Variants in PALM2AKAP2 observed in about 807,000 individuals in gnomAD.
PALM2AKAP2 encodes the protein PALM2 and AKAP2 fusion, also known as PALM2-AKAP2 fusion protein.
In PALM2AKAP2, 37 loss-of-function variants were observed where a neutral mutation model predicts 71.5. That is an observed-to-expected ratio of 0.52 (90% CI 0.40 to 0.68). The LOEUF (loss-of-function observed/expected upper bound fraction) is 0.68, where lower values mean the gene tolerates loss of function less well. Among genes scored for constraint, PALM2AKAP2 ranks in the 30% least tolerant of loss-of-function variants. The pLI is 0.00. For missense variants in PALM2AKAP2, 1,224 were observed against 1,191.8 expected, an observed-to-expected ratio of 1.03 and a Z score of -0.40; for synonymous variants, 468 against 478.8, an observed-to-expected ratio of 0.98 and a Z score of 0.29.
At chr9:109,834,698 G>T (rs557170419) in intron 1 of PALM2AKAP2, among the ~76,000 whole-genome samples, 1 of 152,188 alleles carries the variant, frequency 6.6e-6, no homozygotes, top group Non-Finnish European at 1.5e-5. Context: ...GTTACCACAT[G>T]CTAGGCACTG....
chr9:110,135,698 G>A lies in PALM2AKAP2; in HGVS notation c.157-429G>A, dbSNP rs117427458. The stretch of plus-strand genomic sequence containing the variant: ...TTATTCTGCAAAGATTTTCCAAAAA[G>A]TTTCTTGTCTCCAGAATAACTGCAT... On this transcript the variant is annotated intron_variant, in intron 1 of 3. Transcript: ENST00000374525. 9.0e-3 allele frequency among the ~76,000 whole-genome samples: 1,366 copies of A among 152,304 alleles called. 5 individuals are homozygous for A. The highest frequency in any genetic ancestry group is 0.015 in the Non-Finnish European group (1,029 of 68,010).
intron 3 of PALM2AKAP2, among the ~76,000 whole-genome samples, chr9:109,906,780 A>G (rs1280520557): frequency 6.6e-6 from 1 of 152,192 alleles, no homozygotes. Context: ...AACATAGCCA[A>G]TCCTATCACT....
intron 5 of PALM2AKAP2, among the ~76,000 whole-genome samples, chr9:109,927,463 C>A (rs1192936212): frequency 6.6e-6 from 1 of 152,164 alleles, no homozygotes; most frequent in Non-Finnish European, 1.5e-5. Context: ...ATTACAGAAT[C>A]CAGGTCCAGT....
intron 1 of PALM2AKAP2, among the ~76,000 whole-genome samples, chr9:110,097,419 C>T (rs1834876036): frequency 6.6e-6 from 1 of 150,994 alleles, no homozygotes; most frequent in Admixed American, 6.6e-5. Context: ...CCTTTCTATT[C>T]CACAAAACTG....
chr9:110,078,178 C>A (rs1834365177), intron 1 of PALM2AKAP2, among the ~76,000 whole-genome samples: 1 of 152,172 alleles, frequency 6.6e-6, no homozygotes. Flanking sequence ...TTTACTAGAA[C>A]CAGCGGCGAC....
chr9:109,741,306 T>G (rs1021172568), intron 1 of PALM2AKAP2, among the ~76,000 whole-genome samples: 5 of 152,236 alleles, frequency 3.3e-5, no homozygotes, highest in Non-Finnish European at 7.3e-5. Flanking sequence ...CGTTCATTGC[T>G]GGGTAGTACT....
intron 1 of PALM2AKAP2, among the ~76,000 whole-genome samples, chr9:109,727,391 A>G (rs535749631): frequency 6.6e-6 from 1 of 152,374 alleles, no homozygotes; most frequent in East Asian, 1.9e-4. Context: ...TGAGCAAATC[A>G]CTCAACTTTC....
chr9:109,958,905 G>T (rs1831798542), intron 6 of PALM2AKAP2, among the ~76,000 whole-genome samples: 1 of 152,122 alleles, frequency 6.6e-6, no homozygotes, highest in Non-Finnish European at 1.5e-5. Flanking sequence ...GAAATTCAGT[G>T]GGGGGAATAC....
At chr9:109,726,773 A>G (rs1460905382) in intron 1 of PALM2AKAP2, among the ~76,000 whole-genome samples, 1 of 152,236 alleles carries the variant, frequency 6.6e-6, no homozygotes, top group Non-Finnish European at 1.5e-5. Flanking sequence ...ATAGTCAAAT[A>G]CAATAGCTAC....
chr9:109,765,474 G>GATC (rs55668686), intron 1 of PALM2AKAP2: 1,286 of 95,078 alleles, frequency 0.014, 15 homozygotes, highest in Non-Finnish European at 0.015. Flanking sequence ...TCATGATCAT[G>GATC]ATCATCATCA....
intron 6 of PALM2AKAP2, among the ~76,000 whole-genome samples, chr9:109,954,701 C>G (rs1388647781): frequency 7.0e-6 from 1 of 142,942 alleles, no homozygotes; most frequent in Non-Finnish European, 1.5e-5. Flanking sequence ...GTTGCAAGAT[C>G]TTAAGTGATC....
At chr9:109,753,893 A>C (rs1245921221) in intron 1 of PALM2AKAP2, among the ~76,000 whole-genome samples, 1 of 152,198 alleles carries the variant, frequency 6.6e-6, no homozygotes, top group African/African-American at 2.4e-5. Context: ...TTATTGTAGA[A>C]AGTTTGAAAA....
chr9:109,843,439 A>G (rs1166606107), intron 1 of PALM2AKAP2, among the ~76,000 whole-genome samples: 1 of 151,994 alleles, frequency 6.6e-6, no homozygotes, highest in Non-Finnish European at 1.5e-5. Flanking sequence ...TGTGTTTTAA[A>G]TGCCTATTTT....
intron 2 of PALM2AKAP2, among the ~76,000 whole-genome samples, chr9:110,148,267 C>T (rs1836227097): frequency 6.6e-6 from 1 of 152,150 alleles, no homozygotes; most frequent in Non-Finnish European, 1.5e-5. Flanking sequence ...TCATCATCTT[C>T]CAGTTGTGTT....
intron 1 of PALM2AKAP2, among the ~76,000 whole-genome samples, chr9:109,822,344 C>T (rs1289391783): frequency 2.0e-5 from 3 of 152,076 alleles, no homozygotes; most frequent in Non-Finnish European, 4.4e-5. Context: ...TCCTTCCCAG[C>T]TCCTGCCTCT....
At chr9:109,776,233 T>C (rs1829347128), upstream of PALM2AKAP2, among the ~76,000 whole-genome samples, 1 of 152,204 alleles carries the variant, frequency 6.6e-6, no homozygotes, top group Non-Finnish European at 1.5e-5. Flanking sequence ...GGTTCAAAGA[T>C]TTTAAAATAC....
chr9:110,171,093 C>CT (rs1240501843), exon 4 of PALM2AKAP2: 2 of 152,178 alleles, frequency 1.3e-5, no homozygotes, highest in African/African-American at 4.8e-5. Flanking sequence ...TATGACTTAC[C>CT]TTAAAGTTTT....
chr9:109,664,000 G>A (rs1410795249), intron 1 of PALM2AKAP2, among the ~76,000 whole-genome samples: 1 of 152,126 alleles, frequency 6.6e-6, no homozygotes, highest in African/African-American at 2.4e-5. Context: ...TCAGAGACTA[G>A]GATTGCAACC....
rs141473051 is a variant in PALM2AKAP2, at chr9:109,725,210, T to C, written c.6-55278T>C. ...GGGAACAGTATCAAGCCAACAATATTGGAGCTTGAGGTAAAAGGAAAAATC... is the reference window on the plus strand; with the variant it reads ...GGGAACAGTATCAAGCCAACAATATCGGAGCTTGAGGTAAAAGGAAAAATC... On this transcript the variant is annotated intron_variant, in intron 1 of 6. Transcript: ENST00000374531. Among the ~76,000 whole-genome samples, 119 of 152,284 alleles carry C rather than the reference T, an allele frequency of 7.8e-4. 4 individuals carry two copies. The East Asian group carries it at 0.02, about 26-fold the overall frequency.
Sources: allele counts gnomAD v4.1 joint callset (sites outside exome capture counted in the v4.1 genomes callset), GRCh38; gene constraint gnomAD v4.1.1; transcripts MANE v1.5; gene names NCBI Gene and HGNC (gene_info 2026-07-23, HGNC 2026-07-21).